The following BRD4 variants were observed in gnomAD, a reference collection of about 807,000 sequenced individuals.
BRD4 encodes bromodomain containing 4, also known as bromodomain-containing protein 4.
In BRD4, 16 loss-of-function variants were observed where a neutral mutation model predicts 142.1. The ratio of observed to expected loss-of-function variants is 0.11; its 90% CI spans 0.08 to 0.17. The LOEUF is 0.17. Among genes scored for constraint, BRD4 ranks in the 10% least tolerant of loss-of-function variants. The pLI, the probability that BRD4 is intolerant of heterozygous loss-of-function variation, is 1.00. For synonymous variants in BRD4, 833 were observed against 707.5 expected, an observed-to-expected ratio of 1.18 and a Z score of -2.82; for missense variants, 1,424 against 1,810.9, an observed-to-expected ratio of 0.79 and a Z score of 3.88.
At chr19:15,251,610 G>T (rs911730920) in intron 11 of BRD4, among the ~76,000 whole-genome samples, 33 of 152,274 alleles carry the variant, frequency 2.2e-4, no homozygotes, top group African/African-American at 7.9e-4. Flanking sequence ...AGCAGCTGCT[G>T]AAGGAGCTAC....
intron 1 of BRD4, among the ~76,000 whole-genome samples, chr19:15,278,255 C>T (rs1232063225): frequency 6.6e-6 from 1 of 151,148 alleles, no homozygotes; most frequent in East Asian, 2.0e-4. Flanking sequence ...TAACTATGGG[C>T]CAGGCATGGC....
chr19:15,244,439 C>T lies in BRD4; in HGVS notation c.2373G>A (p.Pro791=), dbSNP rs772123155. The change falls in exon 13 of 20, where the codon CCG becomes CCA. Residue 791 remains proline, a synonymous_variant. Transcript: ENST00000679869. ...PPPSMPQQAA[P]AMKSSPPPFI... Reference sequence around the variant, plus strand: ...AGGGTGGGGGCGAGGACTTCATCGCCGGGGCTGCCTGCTGCGGCATGGAGG... The same window carrying T: ...AGGGTGGGGGCGAGGACTTCATCGCTGGGGCTGCCTGCTGCGGCATGGAGG... 78 of 445,170 alleles carry T rather than the reference C, an allele frequency of 1.8e-4. No homozygotes were observed. In the Middle Eastern group the frequency reaches 2.2e-3, roughly 12 times the overall value. 27.6% of individuals were successfully genotyped at this position (445,170 alleles called of 1,614,324 possible). A position where few individuals can be genotyped will look rare whatever the true frequency, so the allele number is the denominator to read the frequency against.
At position 15,238,450 on chromosome 19, in the gene BRD4, A is replaced by T. The variant is rs1245295766; in HGVS notation, c.4021-5T>A. 1 of 1,614,108 alleles carries T rather than the reference A, an allele frequency of 6.2e-7. No homozygotes were observed. The highest frequency in any genetic ancestry group is 1.7e-5 in the Admixed American group (1 of 60,020). On this transcript the variant is annotated splice_region_variant and splice_polypyrimidine_tract_variant and intron_variant, in intron 19 of 19. Transcript: ENST00000679869. The surrounding 1 kb of genome is among the most constrained non-coding windows in gnomAD (Gnocchi z 7.2). Reference sequence around the variant, plus strand: ...CATGTCAATGGTAGCTGCCATCTGGAGGAGAAAGGAAGGAGGGAGTCAGGA... The same window carrying T: ...CATGTCAATGGTAGCTGCCATCTGGTGGAGAAAGGAAGGAGGGAGTCAGGA...
rs139589315 is a variant in BRD4 at position 15,256,144 on chromosome 19, C to T, written c.1671G>A (p.Val557=). Residue 557 remains valine, a synonymous_variant, in exon 9 of 20, where the codon GTG becomes GTA. Transcript: ENST00000679869. ...KKEKHKRKEE[V]EENKKSKAKE... Reference sequence around the variant, plus strand: ...TGGCTTTGCTTTTTTTATTCTCTTCCACTTCCTCTTTCCTTTTGTGCTTTT... The same window carrying T: ...TGGCTTTGCTTTTTTTATTCTCTTCTACTTCCTCTTTCCTTTTGTGCTTTT... 1.4e-5 allele frequency: 23 copies of T among 1,611,720 alleles called. No individual in the cohort carries two copies. In the African/African-American group the frequency reaches 2.5e-4, roughly 18 times the overall value.
chr19:15,251,928 G>A (rs913556349), intron 11 of BRD4, among the ~76,000 whole-genome samples: 1 of 152,204 alleles, frequency 6.6e-6, no homozygotes, highest in Non-Finnish European at 1.5e-5. Context: ...CTGCATGAGC[G>A]GCCAGGGCTG....
At chr19:15,309,774 G>C (rs1345959116) in intron 1 of BRD4, among the ~76,000 whole-genome samples, 2 of 152,176 alleles carry the variant, frequency 1.3e-5, no homozygotes, top group East Asian at 3.9e-4. Flanking sequence ...AGCAAACCGG[G>C]TAGTGTGGCA....
intron 1 of BRD4, among the ~76,000 whole-genome samples, chr19:15,287,859 T>A (rs1016588894): frequency 6.6e-6 from 1 of 151,772 alleles, no homozygotes; most frequent in Non-Finnish European, 1.5e-5. Flanking sequence ...AACCTCCACC[T>A]CCTGGGTTCG....
At chr19:15,309,081 A>C (rs2047943048) in intron 1 of BRD4, among the ~76,000 whole-genome samples, 1 of 152,108 alleles carries the variant, frequency 6.6e-6, no homozygotes, top group East Asian at 1.9e-4. Context: ...TCACACCTGT[A>C]ATCCCAGCAC....
chr19:15,256,331 C>A, intron 8 of BRD4, 68 bp from the exon 9 acceptor site: 2 of 1,560,408 alleles, frequency 1.3e-6, no homozygotes, highest in East Asian at 2.2e-5. Context: ...AAGACCCAGG[C>A]GTCTGCTCCA....
chr19:15,257,985 C>CA (rs1307791252), intron 7 of BRD4, among the ~76,000 whole-genome samples: 1 of 152,188 alleles, frequency 6.6e-6, no homozygotes, highest in Non-Finnish European at 1.5e-5. Context: ...CACATACTGC[C>CA]AGCCAGCTGT....
At chr19:15,301,865 G>GAAAAA (rs952860124) in intron 1 of BRD4, among the ~76,000 whole-genome samples, 3 of 40,456 alleles carry the variant, frequency 7.4e-5, no homozygotes, top group Non-Finnish European at 1.0e-4. Flanking sequence ...CCGTCTCAAA[G>GAAAAA]AAAAAAAAAA....
chr19:15,289,318 G>A (rs1350542085), intron 1 of BRD4, among the ~76,000 whole-genome samples: 4 of 152,186 alleles, frequency 2.6e-5, no homozygotes, highest in Admixed American at 6.5e-5. Context: ...TTGGGAGGCC[G>A]AGGCGGGTGG....
chr19:15,276,731 G>A lies in BRD4; in HGVS notation c.-34-3598C>T, dbSNP rs1360667394. On this transcript the variant is annotated intron_variant, in intron 1 of 19. Transcript: ENST00000679869. ...GCAAAACAGTTCACACTCTCACATG[G>A]ATAATGTGGAGACCACCAGACTCAG... Among the ~76,000 whole-genome samples the A allele has an allele frequency of 2.6e-5, 4 of 152,312 alleles. No individual in the cohort carries two copies. In the East Asian group the frequency reaches 7.7e-4, roughly 29 times the overall value.
chr19:15,265,402 G>C lies in BRD4; in HGVS notation c.801C>G (p.Pro267=), dbSNP rs148130736. Residue 267 remains proline, a synonymous_variant, in exon 5 of 20, where the codon CCC becomes CCG. Transcript: ENST00000679869. ...PQPPPAPAPQ[P]VQSHPPIIAA... is the part of the protein sequence containing the mutation. ...CGATGATGGGTGGGTGGCTCTGTACGGGCTGGGGAGCTGGAGCGGGTGGGG... is the reference window on the plus strand; with the variant it reads ...CGATGATGGGTGGGTGGCTCTGTACCGGCTGGGGAGCTGGAGCGGGTGGGG... 5.2e-6 allele frequency: 8 copies of C among 1,542,532 alleles called. No homozygotes were observed. Among genetic ancestry groups the C allele is most frequent in the South Asian group, 3.8e-5 (3 of 79,340 alleles).
chr19:15,269,087 G>A, intron 2 of BRD4, 45 bp from the exon 3 acceptor site: 4 of 1,609,202 alleles, frequency 2.5e-6, no homozygotes, highest in Non-Finnish European at 3.4e-6. Flanking sequence ...AGGCAGCCAG[G>A]CAGCACAAAC....
intron 5 of BRD4, among the ~76,000 whole-genome samples, chr19:15,265,084 A>C (rs2047517477): frequency 6.6e-6 from 1 of 152,204 alleles, no homozygotes; most frequent in South Asian, 2.1e-4. Context: ...GGCACAATTC[A>C]GAGACTATTT....
At chr19:15,257,273 C>A in intron 7 of BRD4, 100 bp from the exon 8 acceptor site, 1 of 1,156,540 alleles carries the variant, frequency 8.6e-7, no homozygotes. Context: ...CAACAGAAAG[C>A]AACCGAGGGC....
In BRD4 at chr19:15,239,091, C is replaced by T. The variant is rs2145499654; in HGVS notation, c.3750G>A (p.Lys1250=). The change falls in exon 18 of 20, where the codon AAG becomes AAA. Residue 1250 remains lysine, a synonymous_variant. Coordinates refer to ENST00000679869, the MANE Select transcript of BRD4 (RefSeq NM_001379291.1). This position sits in a 1 kb window ranked among gnomAD's most constrained non-coding sequence, Gnocchi z 7.4. ...GCTCCTGCCGCAGCCGCTCCTTCTC[C>T]TTCTCAGCGTGCTCGGCCTGAGCCT... ...ALKAQAEHAE[K]EKERLRQERM... The T allele has an allele frequency of 6.2e-7, 1 of 1,606,146 alleles. No homozygotes were observed. Among genetic ancestry groups the T allele is most frequent in the Non-Finnish European group, 8.5e-7 (1 of 1,179,100 alleles).
chr19:15,330,590 A>C (rs560512139), intron 1 of BRD4, among the ~76,000 whole-genome samples: 140 of 152,122 alleles, frequency 9.2e-4, no homozygotes, highest in African/African-American at 3.3e-3. Flanking sequence ...ACATGGTGAA[A>C]CCCGCGTCTC....
Sources: gnomAD v4.1 joint callset for allele counts (sites outside exome capture counted in the v4.1 genomes callset) on GRCh38, gnomAD v4.1.1 for gene constraint, Gnocchi (gnomAD v3.1) non-coding constraint, MANE v1.5 for transcripts, NCBI Gene and HGNC (gene_info 2026-07-23, HGNC 2026-07-21) for gene names.